Variants in BPHL observed in about 807,000 individuals in gnomAD.
BPHL encodes serine hydrolase BPHL.
BPHL carries 27 observed loss-of-function variants against 31.2 expected under a neutral mutation model. That is an observed-to-expected ratio of 0.87 (90% CI 0.64 to 1.19). BPHL has a LOEUF of 1.19. Among genes scored for constraint, BPHL ranks in the 50% most tolerant of loss-of-function variants. The pLI is 0.00. For missense variants in BPHL, 356 were observed against 375.7 expected, an observed-to-expected ratio of 0.95 and a Z score of 0.43; for synonymous variants, 150 against 146.8, an observed-to-expected ratio of 1.02 and a Z score of -0.16.
chr6:3,119,154 T>C, intron 1 of BPHL: 1 of 833,450 alleles, frequency 1.2e-6, no homozygotes, highest in Non-Finnish European at 1.9e-6. Context: ...GGGAGATACA[T>C]TTGCCTGTAG....
In BPHL at chr6:3,140,550, C is replaced by T. The variant is rs756374180; in HGVS notation, c.788+41C>T. 10 of 1,609,114 alleles carry T rather than the reference C, an allele frequency of 6.2e-6. No homozygotes were observed. The highest frequency in any genetic ancestry group is 3.3e-5 in the Admixed American group (2 of 59,742). On this transcript the variant is annotated intron_variant, in intron 6 of 6. Transcript: ENST00000380379. The surrounding 1 kb of genome is among the most constrained non-coding windows in gnomAD (Gnocchi z 5.2). The stretch of plus-strand genomic sequence containing the variant: ...GCCTTCACACTCCCCCCGAGAGCCT[C>T]GGAGTCAATGGGCAAAGCTACTGGA...
Position 3,140,537 on chromosome 6 carries a change from C to T in BPHL, c.788+28C>T. 1.9e-6 allele frequency: 3 copies of T among 1,611,250 alleles called. No individual in the cohort carries two copies. The highest frequency in any genetic ancestry group is 2.5e-6 in the Non-Finnish European group (3 of 1,179,534). ...AAGTCCTGTCACCGCCTTCACACTC[C>T]CCCCGAGAGCCTCGGAGTCAATGGG... On this transcript the variant is annotated intron_variant, in intron 6 of 6. Coordinates refer to ENST00000380379, the MANE Select transcript of BPHL (RefSeq NM_004332.4). The surrounding 1 kb of genome is among the most constrained non-coding windows in gnomAD (Gnocchi z 5.2).
chr6:3,128,068 C>T (rs578148197), intron 3 of BPHL, among the ~76,000 whole-genome samples: 181 of 152,328 alleles, frequency 1.2e-3, no homozygotes, highest in African/African-American at 4.3e-3. Flanking sequence ...ATCCACCCAC[C>T]TTGGCCTCCC....
At chr6:3,126,260 T>C (rs1329477488) in intron 2 of BPHL, among the ~76,000 whole-genome samples, 1 of 151,740 alleles carries the variant, frequency 6.6e-6, no homozygotes, top group Non-Finnish European at 1.5e-5. Context: ...AAAAAAAAAA[T>C]TAAAAATCTG....
At chr6:3,119,902 G>T (rs1226622801) in intron 1 of BPHL, among the ~76,000 whole-genome samples, 2 of 152,184 alleles carry the variant, frequency 1.3e-5, no homozygotes, top group Non-Finnish European at 2.9e-5. Context: ...TTATAAGATG[G>T]TCAGGGCTAT....
chr6:3,120,917 A>G (rs1761552588), intron 1 of BPHL, among the ~76,000 whole-genome samples: 1 of 152,170 alleles, frequency 6.6e-6, no homozygotes, highest in African/African-American at 2.4e-5. Flanking sequence ...GAGCCCTCTT[A>G]GGACTCTGTT....
Position 3,153,228 on chromosome 6 carries a change from A to G in BPHL, c.*653A>G, listed in dbSNP as rs9503412. 2 of 153,804 alleles carry G rather than the reference A, an allele frequency of 1.3e-5. No homozygotes were observed. The highest frequency in any genetic ancestry group is 2.0e-4 in the South Asian group (1 of 4,932). The allele number at this position is 153,804 out of a possible 1,614,324, so 9.5% of individuals were successfully genotyped here. A position where few individuals can be genotyped will look rare whatever the true frequency, so the allele number is the denominator to read the frequency against. On this transcript the variant is annotated 3_prime_UTR_variant, in exon 7 of 7. Coordinates refer to ENST00000380379, the MANE Select transcript of BPHL (RefSeq NM_004332.4). ...TAGTGTTAATGTTGGAGATTTTAAGACATCTTGAATTTGTACTGTACCTTT... is the reference window on the plus strand; with the variant it reads ...TAGTGTTAATGTTGGAGATTTTAAGGCATCTTGAATTTGTACTGTACCTTT...
intron 1 of BPHL, 82 bp downstream of exon 1, chr6:3,118,929 G>A: frequency 8.8e-7 from 1 of 1,130,598 alleles, no homozygotes; most frequent in Non-Finnish European, 1.1e-6. Flanking sequence ...CCGACAGCAG[G>A]AGTTCCCGGC....
intron 6 of BPHL, among the ~76,000 whole-genome samples, chr6:3,150,495 C>A (rs1398583019): frequency 6.6e-6 from 1 of 152,234 alleles, no homozygotes; most frequent in Non-Finnish European, 1.5e-5. Flanking sequence ...GTGCCACATG[C>A]AGTGAGGAAC....
chr6:3,118,873 G>T lies in BPHL; in HGVS notation c.107+26G>T, dbSNP rs755403468. 8.1e-4 allele frequency: 1,002 copies of T among 1,233,128 alleles called. 1 individual carries two copies. The highest frequency in any genetic ancestry group is 9.6e-4 in the Non-Finnish European group (943 of 987,408). 76.4% of individuals were successfully genotyped at this position (1,233,128 alleles called of 1,614,324 possible). On this transcript the variant is annotated intron_variant, in intron 1 of 6. Transcript: ENST00000380379. ...GTAATGGCGGCCACCTCGCCCCGGGGATCCCCAGCATCGGCGCGCTCGAGG... is the reference window on the plus strand; with the variant it reads ...GTAATGGCGGCCACCTCGCCCCGGGTATCCCCAGCATCGGCGCGCTCGAGG...
intron 6 of BPHL, among the ~76,000 whole-genome samples, chr6:3,142,653 A>G (rs368882822): frequency 1.5e-4 from 23 of 152,318 alleles, no homozygotes; most frequent in African/African-American, 5.5e-4. Context: ...AATTAATCTT[A>G]GATTTTTCTC....
chr6:3,146,503 G>T (rs371296858), intron 6 of BPHL, among the ~76,000 whole-genome samples: 17 of 87,344 alleles, frequency 1.9e-4, no homozygotes, highest in East Asian at 7.0e-4. Context: ...CTGGTTTGGG[G>T]TGGAGTGCTG....
chr6:3,133,577 C>T (rs527394966), intron 4 of BPHL, among the ~76,000 whole-genome samples: 5 of 152,116 alleles, frequency 3.3e-5, no homozygotes, highest in South Asian at 2.1e-4. Flanking sequence ...TCCAGCCATC[C>T]GAGACCACCT....
chr6:3,140,084 G>A lies in BPHL; in HGVS notation c.665-302G>A. 5.5e-6 allele frequency: 2 copies of A among 361,382 alleles called. No individual in the cohort carries two copies. The highest frequency in any genetic ancestry group is 6.5e-5 in the South Asian group (2 of 30,968). 22.4% of individuals were successfully genotyped at this position (361,382 alleles called of 1,614,324 possible). A position where few individuals can be genotyped will look rare whatever the true frequency, so the allele number is the denominator to read the frequency against. On this transcript the variant is annotated intron_variant, in intron 5 of 6. Coordinates refer to ENST00000380379, the MANE Select transcript of BPHL (RefSeq NM_004332.4). The surrounding 1 kb of genome is among the most constrained non-coding windows in gnomAD (Gnocchi z 5.2). ...TTTCACGGTGGGAACCGCCACTGTGGAATATAGTGGTGGGGTGTTTATTTG... is the reference window on the plus strand; with the variant it reads ...TTTCACGGTGGGAACCGCCACTGTGAAATATAGTGGTGGGGTGTTTATTTG...
intron 6 of BPHL, among the ~76,000 whole-genome samples, chr6:3,141,826 T>C (rs1000331857): frequency 2.0e-5 from 3 of 151,832 alleles, no homozygotes; most frequent in Admixed American, 6.6e-5. Context: ...ATACAAAAAT[T>C]AGCCGGGCAT....
chr6:3,152,796 G>T lies in BPHL; in HGVS notation c.*221G>T, dbSNP rs1418889416. ...AATCTCAGCACTTTGGGAGGCTGAG[G>T]TGGGAGAATTGCCTGAGCCCAGGAG... On this transcript the variant is annotated 3_prime_UTR_variant, in exon 7 of 7. Transcript: ENST00000380379. 2 of 403,818 alleles carry T rather than the reference G, an allele frequency of 5.0e-6. No homozygotes were observed. The highest frequency in any genetic ancestry group is 4.2e-5 in the African/African-American group (2 of 48,084). 25.0% of individuals were successfully genotyped at this position (403,818 alleles called of 1,614,324 possible).
At chr6:3,129,241 C>T (rs1311921232) in intron 4 of BPHL, 43 bp downstream of exon 4, 5 of 1,509,038 alleles carry the variant, frequency 3.3e-6, no homozygotes, top group Non-Finnish European at 4.4e-6. Context: ...CAGATCCTTC[C>T]CCTCTCTCCG....
In BPHL at chr6:3,140,452, A is replaced by T; in HGVS notation, c.731A>T (p.Asp244Val). ...GCCTTGATTGTGCACGGTGAGAAGG[A>T]TCCTCTGGTCCCACGGTTTCATGCC... ...CPALIVHGEK[D>V]PLVPRFHADF... The change falls in exon 6 of 7, where the codon GAT becomes GTT. Residue 244 changes from aspartate to valine, a missense_variant. Asp to Val is a radical substitution (Grantham distance 152). Transcript: ENST00000380379. The surrounding 1 kb of genome is among the most constrained non-coding windows in gnomAD (Gnocchi z 5.2). The T allele has an allele frequency of 6.2e-7, 1 of 1,614,082 alleles. No individual in the cohort carries two copies. The highest frequency in any genetic ancestry group is 8.5e-7 in the Non-Finnish European group (1 of 1,180,002).
intron 2 of BPHL, chr6:3,126,921 ATTTTTTTTTTT>A (rs34930913): frequency 3.0e-5 from 3 of 100,150 alleles, no homozygotes; most frequent in African/African-American, 4.1e-5. Context: ...GCCCGGCTAC[ATTTTTTTTTTT>A]TTTTTTTTTT....
Sources: allele counts gnomAD v4.1 joint callset (sites outside exome capture counted in the v4.1 genomes callset), GRCh38; gene constraint gnomAD v4.1.1; non-coding constraint Gnocchi (gnomAD v3.1); transcripts MANE v1.5; gene names NCBI Gene and HGNC (gene_info 2026-07-23, HGNC 2026-07-21).